The following CELA1 variants were observed in gnomAD, a reference collection of about 807,000 sequenced individuals.
CELA1 encodes chymotrypsin-like elastase family member 1.
In CELA1, 28 loss-of-function variants were observed where a neutral mutation model predicts 34.8. The ratio of observed to expected loss-of-function variants is 0.80; its 90% CI spans 0.60 to 1.10. CELA1 has a LOEUF of 1.10. Among genes scored for constraint, CELA1 ranks in the 50% least tolerant of loss-of-function variants. CELA1 has a pLI of 0.00. For synonymous variants in CELA1, 140 were observed against 129.8 expected (o/e 1.08, Z -0.53); for missense variants, 288 against 327.5 (o/e 0.88, Z 0.93).
chr12:51,343,800 G>C lies in CELA1; in HGVS notation c.153C>G (p.Thr51=), dbSNP rs756137456. The change falls in exon 3 of 8, where the codon ACC becomes ACG. Residue 51 remains threonine (T), a synonymous_variant. Coordinates refer to ENST00000293636, the MANE Select transcript of CELA1 (RefSeq NM_001971.6). ...TCATCACCCAGTTCTGTCTGATAAG[G>C]GTCCCTCCACAGGTGTGATACCGGG... is the stretch of plus-strand genomic sequence containing the variant. ...GGSRYHTCGG[T]LIRQNWVMTA... is the part of the protein sequence containing the mutation. 6.8e-6 allele frequency: 11 copies of C among 1,611,332 alleles called. No individual in the cohort carries two copies. The highest frequency in any genetic ancestry group is 5.9e-6 in the Non-Finnish European group (7 of 1,178,026).
intron 6 of CELA1, among the ~76,000 whole-genome samples, chr12:51,336,583 C>T (rs1050196441): frequency 5.3e-5 from 8 of 152,194 alleles, no homozygotes; most frequent in South Asian, 4.1e-4. Flanking sequence ...GCTGAGATCG[C>T]GCTACTGCAC....
At chr12:51,341,005 A>G (rs1003758289) in intron 5 of CELA1, among the ~76,000 whole-genome samples, 1 of 152,152 alleles carries the variant, frequency 6.6e-6, no homozygotes, top group Admixed American at 6.5e-5. Flanking sequence ...TTTAAAAATG[A>G]GGGGCTGGTA....
intron 7 of CELA1, 96 bp downstream of exon 7, chr12:51,329,588 C>T (rs1175805993): frequency 1.2e-5 from 16 of 1,285,838 alleles, no homozygotes; most frequent in South Asian, 7.4e-5. Flanking sequence ...AGGAAGATGA[C>T]GGCTTGCCCA....
Position 51,329,662 on chromosome 12 carries a change from C to A in CELA1, c.759+22G>T, listed in dbSNP as rs779050574. On this transcript the variant is annotated intron_variant, in intron 7 of 7. Coordinates refer to ENST00000293636, the MANE Select transcript of CELA1 (RefSeq NM_001971.6). Reference sequence around the variant, plus strand: ...AGGTCTCCAGGTGACCCCATTTCAACCCATCATTTGAGAGGACTCACATTA... The same window carrying A: ...AGGTCTCCAGGTGACCCCATTTCAAACCATCATTTGAGAGGACTCACATTA... 13 of 1,591,514 alleles carry A rather than the reference C, an allele frequency of 8.2e-6. No individual in the cohort carries two copies. The East Asian group carries it at 2.9e-4, about 36-fold the overall frequency.
intron 4 of CELA1, among the ~76,000 whole-genome samples, chr12:51,342,194 T>C (rs959697022): frequency 2.3e-4 from 27 of 119,354 alleles, no homozygotes; most frequent in Admixed American, 5.9e-4. Context: ...GCCTGGCTAA[T>C]TTTTTTTTTT....
intron 6 of CELA1, among the ~76,000 whole-genome samples, chr12:51,335,905 G>A (rs1946497682): frequency 6.6e-6 from 1 of 152,058 alleles, no homozygotes; most frequent in African/African-American, 2.4e-5. Context: ...CCAAAATCTT[G>A]GGATTACAGG....
chr12:51,334,039 A>G (rs1283468635), intron 6 of CELA1, among the ~76,000 whole-genome samples: 1 of 152,188 alleles, frequency 6.6e-6, no homozygotes, highest in Non-Finnish European at 1.5e-5. Flanking sequence ...GAAGGGTTGG[A>G]GACCCAGAAC....
At position 51,339,727 on chromosome 12, in the gene CELA1, C is replaced by G. The variant is rs17860319; in HGVS notation, c.609+133G>C. On this transcript the variant is annotated intron_variant, in intron 6 of 7. Coordinates refer to ENST00000293636, the MANE Select transcript of CELA1 (RefSeq NM_001971.6). The stretch of plus-strand genomic sequence containing the variant: ...AATTACCAGCACAGGATCATTCTCA[C>G]TTAGACGCCAGAGTAGAAAATTGAG... The G allele has an allele frequency of 6.6e-4, 544 of 830,408 alleles. 2 individuals are homozygous for G. The African/African-American group carries it at 8.3e-3, about 13-fold the overall frequency. The allele number at this position is 830,408 out of a possible 1,614,324, so 51.4% of individuals were successfully genotyped here.
At chr12:51,332,533 C>T (rs978013324) in intron 6 of CELA1, among the ~76,000 whole-genome samples, 2 of 152,018 alleles carry the variant, frequency 1.3e-5, no homozygotes, top group African/African-American at 2.4e-5. Flanking sequence ...CATTATTGAG[C>T]CCCATAATCT....
intron 5 of CELA1, 126 bp from the exon 6 acceptor site, chr12:51,340,131 C>G: frequency 1.3e-6 from 1 of 779,404 alleles, no homozygotes; most frequent in Non-Finnish European, 2.0e-6. Context: ...TTCTCTCTCC[C>G]TGTTGCATGT....
chr12:51,328,455 G>T lies in CELA1; in HGVS notation c.*122C>A. ...GACACAGTATGATAATGTATATCTA[G>T]TTTTATTTGCTTTTCTATCAATGGC... On this transcript the variant is annotated 3_prime_UTR_variant, in exon 8 of 8. Transcript: ENST00000293636. 9.7e-7 allele frequency: 1 copy of T among 1,035,954 alleles called. No homozygotes were observed. The highest frequency in any genetic ancestry group is 1.6e-5 in the African/African-American group (1 of 63,960). 64.2% of individuals were successfully genotyped at this position (1,035,954 alleles called of 1,614,324 possible). A position where few individuals can be genotyped will look rare whatever the true frequency, so the allele number is the denominator to read the frequency against.
In CELA1 at chr12:51,343,779, C is replaced by CA; in HGVS notation, c.173dup (p.Met59AspfsTer21). The CA allele has an allele frequency of 1.2e-6, 2 of 1,609,120 alleles. No homozygotes were observed. The highest frequency in any genetic ancestry group is 1.7e-6 in the Non-Finnish European group (2 of 1,175,958). On this transcript the variant is annotated frameshift_variant, in exon 3 of 8. Transcript: ENST00000293636. LOFTEE classifies it high-confidence loss of function. ...AATCCACGCAGTGAGCAGCTGTCAT[C>CA]ACCCAGTTCTGTCTGATAAGGGTCC...
chr12:51,342,353 A>T (rs1419372574), intron 4 of CELA1, among the ~76,000 whole-genome samples: 2 of 152,202 alleles, frequency 1.3e-5, no homozygotes, highest in African/African-American at 2.4e-5. Context: ...AAATTCTCAA[A>T]GTCCTCCTGG....
At chr12:51,337,539 C>CAAAAAA (rs33950532) in intron 6 of CELA1, among the ~76,000 whole-genome samples, 9 of 69,320 alleles carry the variant, frequency 1.3e-4, no homozygotes, top group Non-Finnish European at 1.5e-4. Context: ...CTTATCTCTT[C>CAAAAAA]AAAAAAAAAA....
intron 1 of CELA1, among the ~76,000 whole-genome samples, chr12:51,346,394 C>T (rs1946565083): frequency 6.6e-6 from 1 of 152,118 alleles, no homozygotes; most frequent in Non-Finnish European, 1.5e-5. Flanking sequence ...ACCTGCCACC[C>T]AGAGGGGCCT....
chr12:51,335,004 A>C (rs1364868971), intron 6 of CELA1, among the ~76,000 whole-genome samples: 1 of 152,158 alleles, frequency 6.6e-6, no homozygotes, highest in African/African-American at 2.4e-5. Flanking sequence ...TCAGCAGTCA[A>C]GTTGACTCCT....
At chr12:51,331,901 A>C (rs746660257) in intron 6 of CELA1, among the ~76,000 whole-genome samples, 3 of 152,084 alleles carry the variant, frequency 2.0e-5, no homozygotes, top group Non-Finnish European at 4.4e-5. Flanking sequence ...GCAAGGGCTG[A>C]CCTTGGTGGT....
At chr12:51,346,342 C>G (rs1285452985) in intron 1 of CELA1, among the ~76,000 whole-genome samples, 1 of 152,112 alleles carries the variant, frequency 6.6e-6, no homozygotes, top group Admixed American at 6.5e-5. Flanking sequence ...AGGGACCCAC[C>G]CCACTACCAG....
At position 51,341,341 on chromosome 12, in the gene CELA1, G is replaced by T; in HGVS notation, c.366C>A (p.Thr122=). 1 of 1,614,148 alleles carries T rather than the reference G, an allele frequency of 6.2e-7. No homozygotes were observed. The change falls in exon 5 of 8, where the codon ACC becomes ACA. Residue 122 remains threonine, a synonymous_variant. Coordinates refer to ENST00000293636, the MANE Select transcript of CELA1 (RefSeq NM_001971.6). ...CACCCAGCTGGACATAGCTATTGAG[G>T]GTAACGCTCTGGGCCAGGCGCAGCA... ...IALLRLAQSV[T]LNSYVQLGVL...
Sources: allele counts gnomAD v4.1 joint callset (sites outside exome capture counted in the v4.1 genomes callset), GRCh38; gene constraint gnomAD v4.1.1; transcripts MANE v1.5; gene names NCBI Gene and HGNC (gene_info 2026-07-23, HGNC 2026-07-21).